The following KLHL14 variants were observed in gnomAD, a reference collection of about 807,000 sequenced individuals.
KLHL14 encodes kelch like family member 14, also known as kelch-like protein 14.
A neutral mutation model predicts 64.3 loss-of-function variants in KLHL14; 22 were observed. That is an observed-to-expected ratio of 0.34 (90% CI 0.24 to 0.49). The LOEUF is 0.49. Ranked by LOEUF, KLHL14 falls within the 20% of genes least tolerant of loss-of-function variation. KLHL14 has a pLI of 0.99. For missense variants in KLHL14, 661 were observed against 789.0 expected, an observed-to-expected ratio of 0.84 and a Z score of 1.94; for synonymous variants, 322 against 333.4, an observed-to-expected ratio of 0.97 and a Z score of 0.37.
intron 4 of KLHL14, among the ~76,000 whole-genome samples, chr18:32,688,420 T>C (rs8093716): frequency 0.33 from 50,251 of 152,162 alleles, 9,611 homozygotes; most frequent in African/African-American, 0.53. Flanking sequence ...AGATGTAGTC[T>C]GTATCCTTAT....
At position 32,683,707 on chromosome 18, in the gene KLHL14, G is replaced by T. The variant is rs568954814; in HGVS notation, c.1239-3108C>A. On this transcript the variant is annotated intron_variant, in intron 5 of 8. Coordinates refer to ENST00000359358, the MANE Select transcript of KLHL14 (RefSeq NM_020805.3). The surrounding 1 kb of genome is among the most constrained non-coding windows in gnomAD (Gnocchi z 4.2). ...GTTTTAAAAAGATTAATAATAATGC[G>T]TACAAATATACTTTACACTCTGCTT... Among the ~76,000 whole-genome samples the T allele has an allele frequency of 6.6e-6, 1 of 152,110 alleles. No individual in the cohort carries two copies. Among genetic ancestry groups the T allele is most frequent in the Non-Finnish European group, 1.5e-5 (1 of 68,024 alleles).
intron 1 of KLHL14, among the ~76,000 whole-genome samples, chr18:32,771,616 G>C (rs564509247): frequency 4.6e-5 from 7 of 152,242 alleles, no homozygotes; most frequent in Admixed American, 1.3e-4. Context: ...GAGGACTCAG[G>C]GGGAGGAAGT....
At chr18:32,710,977 G>A (rs2050016269) in intron 3 of KLHL14, among the ~76,000 whole-genome samples, 2 of 152,234 alleles carry the variant, frequency 1.3e-5, no homozygotes, top group South Asian at 4.1e-4. Context: ...AAACTCTACT[G>A]CTCTCAGTAG....
At position 32,673,829 on chromosome 18, in the gene KLHL14, T is replaced by C. The variant is rs1431370405; in HGVS notation, c.*828A>G. 1 of 152,234 alleles carries C rather than the reference T, an allele frequency of 6.6e-6. No individual in the cohort carries two copies. Among genetic ancestry groups the C allele is most frequent in the Non-Finnish European group, 1.5e-5 (1 of 68,042 alleles). The allele number at this position is 152,234 out of a possible 1,614,324, so 9.4% of individuals were successfully genotyped here. ...ACAGAATCTCTAAAATAGTATTGAC[T>C]GAATTTGTCAATCCTGTCTTTTGAA... is the stretch of plus-strand genomic sequence containing the variant. On this transcript the variant is annotated 3_prime_UTR_variant, in exon 9 of 9. Transcript: ENST00000359358.
At chr18:32,678,824 A>C (rs1164506735) in intron 7 of KLHL14, among the ~76,000 whole-genome samples, 1 of 152,134 alleles carries the variant, frequency 6.6e-6, no homozygotes, top group Non-Finnish European at 1.5e-5. Flanking sequence ...GAGCTAACCC[A>C]GTTTTGATGT....
chr18:32,741,850 C>T, intron 3 of KLHL14, 78 bp downstream of exon 3: 1 of 1,356,140 alleles, frequency 7.4e-7, no homozygotes, highest in East Asian at 2.7e-5. Flanking sequence ...TTTGATTAAC[C>T]ATGTTTTCAA....
rs780636285 is a variant in KLHL14 at position 32,770,195 on chromosome 18, T to C, written c.397A>G (p.Ile133Val). The C allele has an allele frequency of 3.7e-6, 6 of 1,612,998 alleles. No homozygotes were observed. The highest frequency in any genetic ancestry group is 1.1e-5 in the South Asian group (1 of 91,056). ...TACTCGAGCACCAGGCGCAGCCCGA[T>C]GGACGAGCAGCCCTGCAGCACCAGG... is the stretch of plus-strand genomic sequence containing the variant. ...NNLVLQGCSS[I>V]GLRLVLEYLY... The change falls in exon 2 of 9, where the codon ATC (isoleucine) becomes GTC (valine). Residue 133 changes from isoleucine (I) to valine (V), a missense_variant. Around this residue, in one of 2 missense-constraint regions of KLHL14, gnomAD observed 331 missense variants for 339.0 expected, o/e 0.98. Coordinates refer to ENST00000359358, the MANE Select transcript of KLHL14 (RefSeq NM_020805.3). This position sits in a 1 kb window ranked among gnomAD's most constrained non-coding sequence, Gnocchi z 6.7.
intron 2 of KLHL14, among the ~76,000 whole-genome samples, chr18:32,752,546 T>TCTG (rs2050260301): frequency 6.6e-6 from 1 of 152,232 alleles, no homozygotes; most frequent in South Asian, 2.1e-4. Flanking sequence ...TTTGGATGTC[T>TCTG]CTGCTTATCT....
At chr18:32,682,276 T>A (rs775737372) in intron 5 of KLHL14, among the ~76,000 whole-genome samples, 5 of 152,206 alleles carry the variant, frequency 3.3e-5, no homozygotes, top group African/African-American at 4.8e-5. Flanking sequence ...AATATTTTAG[T>A]TATGTTTGCT....
chr18:32,736,554 T>C (rs1015670996), intron 3 of KLHL14, among the ~76,000 whole-genome samples: 4 of 152,094 alleles, frequency 2.6e-5, no homozygotes, highest in African/African-American at 9.7e-5. Flanking sequence ...TAGAGGGGTA[T>C]CCCTACTTGC....
At chr18:32,709,503 A>G (rs7236408) in intron 3 of KLHL14, among the ~76,000 whole-genome samples, 43,430 of 151,626 alleles carry the variant, frequency 0.29, 6,431 homozygotes, top group African/African-American at 0.34. Context: ...GCTAGAGTGC[A>G]GTGATGTGAT....
chr18:32,746,073 G>A (rs866136096), intron 2 of KLHL14, among the ~76,000 whole-genome samples: 2 of 151,966 alleles, frequency 1.3e-5, no homozygotes, highest in Non-Finnish European at 2.9e-5. Flanking sequence ...TTAACATAGG[G>A]AACCAATTTA....
At chr18:32,742,886 T>A (rs2144531551) in intron 2 of KLHL14, 1 of 152,398 alleles carries the variant, frequency 6.6e-6, no homozygotes, top group Admixed American at 6.5e-5. Flanking sequence ...TACCCACCCA[T>A]CAAGAGCTGG....
chr18:32,692,235 T>C (rs569553978), intron 4 of KLHL14, among the ~76,000 whole-genome samples: 1 of 152,288 alleles, frequency 6.6e-6, no homozygotes, highest in African/African-American at 2.4e-5. Context: ...CATCAATAGA[T>C]ATAATTATAT....
intron 3 of KLHL14, among the ~76,000 whole-genome samples, chr18:32,696,665 C>CTTTTTTTTTTTTTTTT: frequency 6.6e-6 from 1 of 152,256 alleles, no homozygotes; most frequent in African/African-American, 2.4e-5. Context: ...CCAACTCTTA[C>CTTTTTTTTTTTTTTTT]TTTGTGCTCC....
chr18:32,686,020 T>C (rs1345536885), intron 5 of KLHL14, among the ~76,000 whole-genome samples: 1 of 151,164 alleles, frequency 6.6e-6, no homozygotes, highest in Non-Finnish European at 1.5e-5. Context: ...TTCTTTTTTT[T>C]TTTTTTTTTG....
chr18:32,758,417 A>G (rs928791329), intron 2 of KLHL14, among the ~76,000 whole-genome samples: 1 of 152,230 alleles, frequency 6.6e-6, no homozygotes, highest in Non-Finnish European at 1.5e-5. Flanking sequence ...ATAATGAAAA[A>G]GACAGATGAG....
At chr18:32,754,067 A>T (rs1160901870) in intron 2 of KLHL14, among the ~76,000 whole-genome samples, 1 of 152,208 alleles carries the variant, frequency 6.6e-6, no homozygotes, top group Non-Finnish European at 1.5e-5. Flanking sequence ...GGTGGGGACA[A>T]CCAACATGTG....
At position 32,674,475 on chromosome 18, in the gene KLHL14, TATAGAC is replaced by T. The variant is rs1230912723; in HGVS notation, c.*176_*181del. The T allele has an allele frequency of 1.9e-6, 1 of 537,242 alleles. No homozygotes were observed. The highest frequency in any genetic ancestry group is 1.8e-5 in the African/African-American group (1 of 54,172). 33.3% of individuals were successfully genotyped at this position (537,242 alleles called of 1,614,324 possible). ...ACAGGAAGTTTGGTGCGATCTGAGT[TATAGAC>T]ATAGTATCTGTTCAAGAACAGGTCT... is the stretch of plus-strand genomic sequence containing the variant. On this transcript the variant is annotated 3_prime_UTR_variant, in exon 9 of 9. Transcript: ENST00000359358.
Sources: allele counts gnomAD v4.1 joint callset (sites outside exome capture counted in the v4.1 genomes callset), GRCh38; gene constraint gnomAD v4.1.1; regional missense constraint gnomAD v4.1.1; non-coding constraint Gnocchi (gnomAD v3.1); transcripts MANE v1.5; gene names NCBI Gene and HGNC (gene_info 2026-07-23, HGNC 2026-07-21).